Variants in SCNN1B observed in about 807,000 individuals in gnomAD.
SCNN1B encodes epithelial sodium channel subunit beta.
Under a neutral mutation model 65.3 loss-of-function variants are expected in SCNN1B, and 46 were observed. That is an observed-to-expected ratio of 0.70 (90% CI 0.56 to 0.90). SCNN1B has a LOEUF of 0.90. SCNN1B is among the 40% of genes least tolerant of loss of function. SCNN1B has a pLI of 0.00. For synonymous variants in SCNN1B, 349 were observed against 330.6 expected (o/e 1.06, Z -0.60); for missense variants, 751 against 830.5 (o/e 0.90, Z 1.18).
At chr16:23,303,859 C>T in intron 1 of SCNN1B, 1 of 597,172 alleles carries the variant, frequency 1.7e-6, no homozygotes, top group Non-Finnish European at 3.0e-6. Context: ...GTGGAGGTTG[C>T]AGTGAGCTGA....
intron 1 of SCNN1B, among the ~76,000 whole-genome samples, chr16:23,345,501 C>T (rs911983622): frequency 6.6e-6 from 1 of 152,184 alleles, no homozygotes; most frequent in Admixed American, 6.5e-5. Flanking sequence ...CTCTCCATCT[C>T]GTGCCTCTTC....
chr16:23,371,956 G>T, intron 7 of SCNN1B, 73 bp downstream of exon 7: 1 of 1,110,780 alleles, frequency 9.0e-7, no homozygotes, highest in Non-Finnish European at 1.4e-6. Flanking sequence ...TCAGTACTCC[G>T]GGAGAGCTGG....
chr16:23,316,918 C>G (rs1476036107), intron 1 of SCNN1B, among the ~76,000 whole-genome samples: 1 of 152,120 alleles, frequency 6.6e-6, no homozygotes. Flanking sequence ...CCATTATCAC[C>G]ATCACCATCA....
chr16:23,304,074 T>A, intron 1 of SCNN1B: 1 of 1,536,044 alleles, frequency 6.5e-7, no homozygotes, highest in East Asian at 2.4e-5. Context: ...TGCCTACCGA[T>A]GGGAATTTAG....
chr16:23,302,003 T>C (rs1247148022), upstream of SCNN1B, among the ~76,000 whole-genome samples: 6 of 152,148 alleles, frequency 3.9e-5, no homozygotes, highest in African/African-American at 1.2e-4. Flanking sequence ...TTCATATATG[T>C]GGCTTGTGAT....
intron 4 of SCNN1B, among the ~76,000 whole-genome samples, chr16:23,366,862 A>G (rs1962680250): frequency 6.6e-6 from 1 of 152,208 alleles, no homozygotes; most frequent in Admixed American, 6.5e-5. Context: ...AACAACATAG[A>G]AACATCAAGA....
intron 11 of SCNN1B, among the ~76,000 whole-genome samples, chr16:23,379,552 G>A (rs777669270): frequency 1.3e-4 from 20 of 152,136 alleles, no homozygotes; most frequent in South Asian, 4.1e-4. Context: ...CTGGAGGCAC[G>A]AGACAGCACA....
chr16:23,293,114 C>CAAAAAAA (rs1191618996), intron 2 of SCNN1B, among the ~76,000 whole-genome samples: 995 of 34,154 alleles, frequency 0.029, 144 homozygotes, highest in Middle Eastern at 0.083. Context: ...GACTCATTCT[C>CAAAAAAA]AAAAAAAAAA....
At chr16:23,305,574 ATATT>A (rs1406772106) in intron 1 of SCNN1B, among the ~76,000 whole-genome samples, 10 of 28,716 alleles carry the variant, frequency 3.5e-4, no homozygotes, top group Non-Finnish European at 4.2e-4. Context: ...ATATATATAT[ATATT>A]ATATATATAT....
chr16:23,303,283 C>T (rs1234388155), intron 1 of SCNN1B, among the ~76,000 whole-genome samples: 1 of 152,158 alleles, frequency 6.6e-6, no homozygotes, highest in Non-Finnish European at 1.5e-5. Context: ...TCCCACTCAC[C>T]TCCACCAGGG....
At chr16:23,338,896 T>C (rs1961997264) in intron 1 of SCNN1B, among the ~76,000 whole-genome samples, 1 of 152,240 alleles carries the variant, frequency 6.6e-6, no homozygotes, top group Admixed American at 6.5e-5. Context: ...TTACATATAA[T>C]AGAATGCATC....
At chr16:23,332,934 G>A (rs1422489427) in intron 1 of SCNN1B, among the ~76,000 whole-genome samples, 2 of 152,142 alleles carry the variant, frequency 1.3e-5, no homozygotes, top group Non-Finnish European at 2.9e-5. Context: ...GCTGGACGCG[G>A]CGGCAGGCGC....
intron 2 of SCNN1B, among the ~76,000 whole-genome samples, chr16:23,296,787 G>A (rs2141972967): frequency 6.6e-6 from 1 of 152,234 alleles, no homozygotes. Flanking sequence ...AGATCACGGG[G>A]TCAGGAGATC....
chr16:23,349,831 C>A (rs1161452935), intron 2 of SCNN1B, among the ~76,000 whole-genome samples: 6 of 152,092 alleles, frequency 3.9e-5, no homozygotes, highest in African/African-American at 1.2e-4. Flanking sequence ...GGCACCATGG[C>A]TCATACCTGT....
At chr16:23,297,484 CTAACTTCTGGTATGTTT>C (rs1961014423), upstream of SCNN1B, among the ~76,000 whole-genome samples, 1 of 152,140 alleles carries the variant, frequency 6.6e-6, no homozygotes, top group South Asian at 2.1e-4. Context: ...GGAGGTAGGG[CTAACTTCTGGTATGTTT>C]TTGGTTGGGT....
intron 4 of SCNN1B, among the ~76,000 whole-genome samples, chr16:23,362,171 C>G (rs1962566396): frequency 1.3e-5 from 2 of 151,592 alleles, no homozygotes; most frequent in Admixed American, 1.3e-4. Context: ...ATGGCAAAAC[C>G]CCATCTCTAC....
Position 23,375,840 on chromosome 16 carries a change from G to A in SCNN1B, c.1255G>A (p.Asp419Asn). 6.2e-7 allele frequency: 1 copy of A among 1,611,526 alleles called. No individual in the cohort carries two copies. The change falls in exon 8 of 13, where the codon GAC becomes AAC. Residue 419 changes from aspartate to asparagine, a missense_variant. Asp to Asn is a conservative substitution (Grantham distance 23). Transcript: ENST00000343070. ...TGGGGAGAAATACTGCAACAACCGG[G>A]ACTTCCCAGACTGGGGTGAGCGGGG... ...PRGEKYCNNR[D>N]FPDWAHCYSD...
chr16:23,379,760 C>T (rs1413357100), intron 11 of SCNN1B, among the ~76,000 whole-genome samples: 1 of 152,140 alleles, frequency 6.6e-6, no homozygotes. Flanking sequence ...CTGTAGGGAA[C>T]TGGTAGTCAG....
chr16:23,358,722 C>A (rs532484056), intron 4 of SCNN1B, among the ~76,000 whole-genome samples: 1 of 152,258 alleles, frequency 6.6e-6, no homozygotes, highest in South Asian at 2.1e-4. Context: ...GCCTGGACAA[C>A]AAGGCAAAAC....
Sources: gnomAD v4.1 joint callset for allele counts (sites outside exome capture counted in the v4.1 genomes callset) on GRCh38, gnomAD v4.1.1 for gene constraint, MANE v1.5 for transcripts, NCBI Gene and HGNC (gene_info 2026-07-23, HGNC 2026-07-21) for gene names.